The following SPATA7 variants were observed in gnomAD, a reference collection of about 807,000 sequenced individuals.
SPATA7 encodes the protein spermatogenesis associated 7.
In SPATA7, 43 loss-of-function variants were observed where a neutral mutation model predicts 51.8. The ratio of observed to expected loss-of-function variants is 0.83; its 90% confidence interval spans 0.65 to 1.07. The LOEUF is 1.07. Among genes scored for constraint, SPATA7 ranks in the 50% least tolerant of loss-of-function variants. The probability of loss-of-function intolerance (pLI) is 0.00; values close to 1 mark genes in which losing one functional copy is unlikely to be tolerated. For synonymous variants in SPATA7, 230 were observed against 252.8 expected (o/e 0.91, Z 0.86); for missense variants, 683 against 701.3 (o/e 0.97, Z 0.30).
intron 3 of SPATA7, among the ~76,000 whole-genome samples, chr14:88,395,407 C>T (rs1395939923): frequency 6.6e-6 from 1 of 151,722 alleles, no homozygotes; most frequent in East Asian, 1.9e-4. Flanking sequence ...ACATGAAAAT[C>T]GTGAAGTCGT....
chr14:88,414,685 T>A lies in SPATA7; in HGVS notation c.239-2026T>A, dbSNP rs149764845. ...TCTTCTTGATGTAGGTATTTAGCACTGTAAACTTGCCTCTTAACACTGCTT... is the reference window on the plus strand; with the variant it reads ...TCTTCTTGATGTAGGTATTTAGCACAGTAAACTTGCCTCTTAACACTGCTT... On this transcript the variant is annotated intron_variant, in intron 4 of 11. Transcript: ENST00000393545. The A allele has an allele frequency of 9.7e-6, 4 of 411,692 alleles. No homozygotes were observed. In the East Asian group the frequency reaches 3.2e-4, roughly 33 times the overall value. The allele number at this position is 411,692 out of a possible 1,614,324, so 25.5% of individuals were successfully genotyped here. A position where few individuals can be genotyped will look rare whatever the true frequency, so the allele number is the denominator to read the frequency against.
chr14:88,418,272 C>CTTTGACTT (rs142936696), intron 5 of SPATA7, among the ~76,000 whole-genome samples: 5,352 of 152,078 alleles, frequency 0.035, 307 homozygotes, highest in African/African-American at 0.12. Flanking sequence ...TTATTTCCCT[C>CTTTGACTT]TCTCTGGGTT....
intron 1 of SPATA7, 187 bp downstream of exon 1, chr14:88,386,024 C>T (rs1346610371): frequency 1.6e-5 from 23 of 1,451,898 alleles, no homozygotes; most frequent in African/African-American, 2.9e-5. Flanking sequence ...TGCTTGCCAG[C>T]CTCGCAGGTC....
Position 88,438,339 on chromosome 14 carries a change from A to G in SPATA7, c.1717A>G (p.Lys573Glu), listed in dbSNP as rs148392950. The G allele has an allele frequency of 3.7e-5, 59 of 1,613,962 alleles. 2 individuals carry two copies. Among genetic ancestry groups the G allele is most frequent in the Non-Finnish European group, 3.1e-5 (37 of 1,179,976 alleles). Residue 573 changes from lysine (K) to glutamate (E), a missense_variant, in exon 12 of 12, where the codon AAA becomes GAA. By Grantham distance (56) the Lys-to-Glu change is moderately conservative. Transcript: ENST00000393545. ...PSQSVQFSSV[K>E]GDNNHDMELS... ...CCAATCTGTTCAGTTCTCCAGTGTC[A>G]AAGGCGACAATAATCATGACATGGA...
intron 4 of SPATA7, among the ~76,000 whole-genome samples, chr14:88,398,381 A>G (rs906054744): frequency 6.6e-6 from 1 of 151,284 alleles, no homozygotes; most frequent in African/African-American, 2.4e-5. Context: ...TCACAAGACC[A>G]AAAAACTAAA....
intron 5 of SPATA7, among the ~76,000 whole-genome samples, chr14:88,417,546 T>C (rs1239462196): frequency 6.6e-6 from 1 of 152,088 alleles, no homozygotes; most frequent in Non-Finnish European, 1.5e-5. Flanking sequence ...CCTCAAGTGA[T>C]CTGCCCACCT....
At chr14:88,451,067 T>G (rs2077247006) in intron 3 of SPATA7, among the ~76,000 whole-genome samples, 1 of 152,224 alleles carries the variant, frequency 6.6e-6, no homozygotes. Flanking sequence ...GGAAGTTTCT[T>G]TCTTCCATTT....
At chr14:88,446,200 G>A (rs1311659488) in intron 3 of SPATA7, among the ~76,000 whole-genome samples, 1 of 152,060 alleles carries the variant, frequency 6.6e-6, no homozygotes, top group Non-Finnish European at 1.5e-5. Context: ...ACTTTTCCTG[G>A]TTTAGTCTTG....
chr14:88,452,919 C>CCT (rs919214520), intron 3 of SPATA7, among the ~76,000 whole-genome samples: 1 of 152,032 alleles, frequency 6.6e-6, no homozygotes, highest in African/African-American at 2.4e-5. Flanking sequence ...ACATAGAGGT[C>CCT]CTCTCTCTCT....
intron 5 of SPATA7, among the ~76,000 whole-genome samples, chr14:88,420,643 A>G (rs956885662): frequency 2.6e-5 from 4 of 152,130 alleles, no homozygotes; most frequent in African/African-American, 9.7e-5. Context: ...ACATGTTCCT[A>G]TCACCTAGGT....
rs59603961 is a variant in SPATA7, at chr14:88,396,875, C to CT, written c.238+685dup. Among the ~76,000 whole-genome samples the CT allele has an allele frequency of 7.5e-3, 1,036 of 138,464 alleles. 24 individuals carry two copies. The highest frequency in any genetic ancestry group is 0.025 in the African/African-American group (934 of 37,218). The allele number at this position is 138,464 out of a possible 152,430, so 90.8% of individuals were successfully genotyped here. On this transcript the variant is annotated intron_variant, in intron 4 of 11. Coordinates refer to ENST00000393545, the MANE Select transcript of SPATA7 (RefSeq NM_018418.5). ...ACTATTTTCTTTTCTTTTCTTTTTT[C>CT]TTTTTTTTTTTTTGAGACAGGGTCT...
Position 88,427,617 on chromosome 14 carries a change from T to C in SPATA7, c.846-13T>C, listed in dbSNP as rs1331650904. On this transcript the variant is annotated splice_polypyrimidine_tract_variant and intron_variant, in intron 6 of 11. Transcript: ENST00000393545. ...TTGAAGGATTAACAATTATTTATTT[T>C]AAATTATTACAGCTTTAAATCTGAG... is the stretch of plus-strand genomic sequence containing the variant. The C allele has an allele frequency of 6.4e-7, 1 of 1,568,284 alleles. No individual in the cohort carries two copies. The highest frequency in any genetic ancestry group is 1.4e-5 in the African/African-American group (1 of 73,330).
At chr14:88,458,051 C>A (rs1200315991), downstream of SPATA7, among the ~76,000 whole-genome samples, 1 of 152,074 alleles carries the variant, frequency 6.6e-6, no homozygotes, top group East Asian at 1.9e-4. Context: ...ATATGTTGAA[C>A]CAGCCTTGCA....
intron 5 of SPATA7, among the ~76,000 whole-genome samples, chr14:88,425,376 A>G (rs539377809): frequency 4.6e-5 from 7 of 152,104 alleles, no homozygotes; most frequent in Non-Finnish European, 1.0e-4. Flanking sequence ...GACAGATATA[A>G]TTGGCTAAAT....
chr14:88,438,983 G>A (rs1430071332), downstream of SPATA7, among the ~76,000 whole-genome samples: 2 of 152,184 alleles, frequency 1.3e-5, no homozygotes, highest in Non-Finnish European at 2.9e-5. Flanking sequence ...TAAGGGTTGG[G>A]AATATATACA....
At chr14:88,447,048 T>C (rs1350548010) in intron 3 of SPATA7, among the ~76,000 whole-genome samples, 1 of 152,092 alleles carries the variant, frequency 6.6e-6, no homozygotes. Flanking sequence ...TTGTTGACTT[T>C]CTGTCTCGTT....
chr14:88,453,387 A>C (rs1187458241), intron 3 of SPATA7, among the ~76,000 whole-genome samples: 1 of 152,246 alleles, frequency 6.6e-6, no homozygotes, highest in African/African-American at 2.4e-5. Flanking sequence ...ATATAAATTA[A>C]CATCATCATT....
intron 4 of SPATA7, among the ~76,000 whole-genome samples, chr14:88,398,257 A>C (rs895183450): frequency 1.3e-5 from 2 of 151,910 alleles, no homozygotes; most frequent in Admixed American, 1.3e-4. Flanking sequence ...AGACTGGATT[A>C]AGAAAATGTG....
At chr14:88,394,003 A>G (rs1283320482) in intron 3 of SPATA7, among the ~76,000 whole-genome samples, 1 of 152,168 alleles carries the variant, frequency 6.6e-6, no homozygotes, top group Non-Finnish European at 1.5e-5. Flanking sequence ...AAACCCTCCT[A>G]CCACCTGTTT....
Sources: allele counts gnomAD v4.1 joint callset (sites outside exome capture counted in the v4.1 genomes callset), GRCh38; gene constraint gnomAD v4.1.1; transcripts MANE v1.5; gene names NCBI Gene and HGNC (gene_info 2026-07-23, HGNC 2026-07-21).